The following ANKZF1 variants were observed in gnomAD, a reference collection of about 807,000 sequenced individuals.
ANKZF1 encodes tRNA endonuclease ANKZF1.
Under a neutral mutation model 86.0 loss-of-function variants are expected in ANKZF1, and 84 were observed. The observed-to-expected ratio is 0.98, with a 90% confidence interval of 0.82 to 1.17. ANKZF1 has a LOEUF of 1.17. ANKZF1 is among the 50% of genes most tolerant of loss of function. The pLI, the probability that ANKZF1 is intolerant of heterozygous loss-of-function variation, is 0.00. For synonymous variants in ANKZF1, 331 were observed against 354.2 expected (o/e 0.93, Z 0.74); for missense variants, 893 against 918.4 (o/e 0.97, Z 0.36).
In ANKZF1 at chr2:219,234,825, G is replaced by A. The variant is rs1233825796; in HGVS notation, c.1205-1G>A. The A allele has an allele frequency of 2.5e-6, 4 of 1,603,118 alleles. No homozygotes were observed. The highest frequency in any genetic ancestry group is 1.7e-5 in the Admixed American group (1 of 58,588). ...ATTTCACATGTCAGGTTTTTCCCTA[G>A]GTTCAGGGTCGGAGGGAGAAGATGG... On this transcript the variant is annotated splice_acceptor_variant, in intron 9 of 13. Transcript: ENST00000323348. LOFTEE classifies it high-confidence loss of function.
chr2:219,230,481 T>C (rs1951001466), intron 2 of ANKZF1, 76 bp downstream of exon 2: 5 of 1,497,750 alleles, frequency 3.3e-6, no homozygotes, highest in African/African-American at 1.4e-5. Flanking sequence ...CACATTCTTA[T>C]TGGTATTCCC....
chr2:219,234,436 A>G (rs1951142671), intron 9 of ANKZF1, 148 bp downstream of exon 9: 2 of 1,028,952 alleles, frequency 1.9e-6, no homozygotes, highest in Non-Finnish European at 3.0e-6. Flanking sequence ...ATGTTTAGTG[A>G]CCTTTCCAAA....
intron 7 of ANKZF1, 88 bp from the exon 8 acceptor site, chr2:219,233,627 C>T: frequency 6.9e-7 from 1 of 1,458,826 alleles, no homozygotes; most frequent in Non-Finnish European, 9.3e-7. Flanking sequence ...ACTTTCCACC[C>T]CTTGCACTTC....
In ANKZF1 at chr2:219,234,161, G is replaced by A. The variant is rs757669034; in HGVS notation, c.1077G>A (p.Leu359=). The part of the protein sequence containing the change: ...YEEDPREAVR[L]HSPQTHWKTV... The stretch of plus-strand genomic sequence containing the variant: ...AAGACCCTCGGGAAGCAGTCAGACT[G>A]CACTCACCTCAGACACACTGGAAAA... The change falls in exon 9 of 14, where the codon CTG becomes CTA. Residue 359 remains leucine, a synonymous_variant. Transcript: ENST00000323348. The A allele has an allele frequency of 1.9e-6, 3 of 1,613,846 alleles. No homozygotes were observed. In the Admixed American group the frequency reaches 5.0e-5, roughly 27 times the overall value.
chr2:219,232,205 A>C, intron 3 of ANKZF1, 55 bp from the exon 4 acceptor site: 1 of 1,569,872 alleles, frequency 6.4e-7, no homozygotes, highest in Non-Finnish European at 8.8e-7. Flanking sequence ...TGGCCAGTAC[A>C]AGGCCAGGCT....
At chr2:219,230,725 A>G in intron 2 of ANKZF1, 1 of 224,858 alleles carries the variant, frequency 4.4e-6, no homozygotes, top group Non-Finnish European at 8.7e-6. Flanking sequence ...TGAATATGAA[A>G]CAATTTATTA....
intron 2 of ANKZF1, 166 bp from the exon 3 acceptor site, chr2:219,231,762 G>A: frequency 1.6e-6 from 1 of 606,876 alleles, no homozygotes; most frequent in South Asian, 2.0e-5. Context: ...TTAAGTGATT[G>A]CTGTACTGTT....
intron 9 of ANKZF1, 90 bp downstream of exon 9, chr2:219,234,378 CTTAT>C: frequency 6.6e-7 from 1 of 1,508,212 alleles, no homozygotes; most frequent in Non-Finnish European, 9.2e-7. Flanking sequence ...GACCCATTTC[CTTAT>C]TTAAACACAC....
rs1319151706 is a variant in ANKZF1 at position 219,235,168 on chromosome 2, C to T, written c.1547C>T (p.Pro516Leu). ...DVGVLKLQLA[P>L]SPADPRVLSL... ...GGAGTGCTAAAGCTGCAGCTAGCTC[C>T]CAGCCCTGCAGACCCTAGAGTTCTG... Residue 516 changes from proline to leucine, a missense_variant, in exon 10 of 14, where the codon CCC (proline) becomes CTC (leucine). By Grantham distance (98) the Pro-to-Leu change is moderately conservative. Transcript: ENST00000323348. 6.2e-7 allele frequency: 1 copy of T among 1,614,170 alleles called. No individual in the cohort carries two copies. Among genetic ancestry groups the T allele is most frequent in the Admixed American group, 1.7e-5 (1 of 60,014 alleles).
In ANKZF1 at chr2:219,233,110, A is replaced by T; in HGVS notation, c.590A>T (p.Gln197Leu). 1 of 1,614,162 alleles carries T rather than the reference A, an allele frequency of 6.2e-7. No homozygotes were observed. The change falls in exon 6 of 14, where the codon CAG (glutamine) becomes CTG (leucine). Residue 197 changes from glutamine (Q) to leucine (L), a missense_variant. Gln to Leu is a moderately radical substitution (Grantham distance 113, BLOSUM62 -2). Coordinates refer to ENST00000323348, the MANE Select transcript of ANKZF1 (RefSeq NM_018089.3). ...DPPEEAELLL[Q>L]NLQSRGPRDC... is the part of the protein sequence containing the mutation. ...CCAGAAGAGGCAGAACTGCTGCTAC[A>T]GAACCTGCAAAGTAGAGGTCCCAGA... is the stretch of plus-strand genomic sequence containing the variant.
In ANKZF1 at chr2:219,234,825, G is replaced by C; in HGVS notation, c.1205-1G>C. On this transcript the variant is annotated splice_acceptor_variant, in intron 9 of 13. Transcript: ENST00000323348. LOFTEE classifies it high-confidence loss of function. ...ATTTCACATGTCAGGTTTTTCCCTA[G>C]GTTCAGGGTCGGAGGGAGAAGATGG... 6.2e-7 allele frequency: 1 copy of C among 1,603,118 alleles called. No homozygotes were observed. The highest frequency in any genetic ancestry group is 8.5e-7 in the Non-Finnish European group (1 of 1,173,698).
Position 219,232,334 on chromosome 2 carries a change from C to G in ANKZF1, c.336C>G (p.Ala112=). ...TCAAGGACAAGCCTCTCCTGTCTGC[C>G]CTGGACTTTGAAAAGCAGAGCTCCA... is the stretch of plus-strand genomic sequence containing the variant. The part of the protein sequence containing the change: ...QRLKDKPLLS[A]LDFEKQSSTG... Residue 112 remains alanine, a synonymous_variant, in exon 4 of 14, where the codon GCC becomes GCG. Coordinates refer to ENST00000323348, the MANE Select transcript of ANKZF1 (RefSeq NM_018089.3). The G allele has an allele frequency of 6.2e-7, 1 of 1,614,220 alleles. No homozygotes were observed. Among genetic ancestry groups the G allele is most frequent in the Non-Finnish European group, 8.5e-7 (1 of 1,180,046 alleles).
Position 219,231,967 on chromosome 2 carries a change from A to T in ANKZF1, c.188A>T (p.Gln63Leu), listed in dbSNP as rs1364384192. ...ERESPERKLL[Q>L]GPMDISEKLF... ...GAAAGCCCAGAAAGAAAGCTACTCC[A>T]GGGTCCTATGGATATTTCAGAGAAG... Residue 63 changes from glutamine (Q) to leucine (L), a missense_variant, in exon 3 of 14, where the codon CAG becomes CTG. Coordinates refer to ENST00000323348, the MANE Select transcript of ANKZF1 (RefSeq NM_018089.3). The T allele has an allele frequency of 6.2e-7, 1 of 1,614,090 alleles. No individual in the cohort carries two copies. Among genetic ancestry groups the T allele is most frequent in the Non-Finnish European group, 8.5e-7 (1 of 1,179,994 alleles).
At chr2:219,232,781 TC>T in intron 5 of ANKZF1, 98 bp downstream of exon 5, 10 of 1,327,768 alleles carry the variant, frequency 7.5e-6, no homozygotes, top group Non-Finnish European at 9.3e-6. Flanking sequence ...TTCTCTTCCT[TC>T]CTGTTGGTTG....
At chr2:219,236,263 A>AGC in intron 13 of ANKZF1, 59 bp from the exon 14 acceptor site, 1 of 1,611,662 alleles carries the variant, frequency 6.2e-7, no homozygotes, top group Non-Finnish European at 8.5e-7. Context: ...GGACGGGGAG[A>AGC]GCGTGGATTG....
Position 219,233,846 on chromosome 2 carries a change from G to T in ANKZF1, c.951G>T (p.Gly317=), listed in dbSNP as rs142611156. 4.4e-5 allele frequency: 71 copies of T among 1,613,334 alleles called. No homozygotes were observed. In the African/African-American group the frequency reaches 8.7e-4, roughly 20 times the overall value. ...GCAAGGGAGCACCCCTGCAAAGGGG[G>T]GATCCCCGACTTTGGGATATCCCCC... ...FGGKGAPLQR[G]DPRLWDIPLA... The change falls in exon 8 of 14, where the codon GGG becomes GGT. Residue 317 remains glycine (G), a synonymous_variant. Transcript: ENST00000323348.
chr2:219,233,391 T>A lies in ANKZF1; in HGVS notation c.777T>A (p.Ala259=), dbSNP rs1559254924. The change falls in exon 7 of 14, where the codon GCT becomes GCA. Residue 259 remains alanine, a synonymous_variant. Transcript: ENST00000323348. ...RDARGGPSHS[A]GANLRRYNEA... ...CCCGAGGTGGGCCATCACACTCTGC[T>A]GGAGCCAACCTGAGGCGCTACAATG... 3 of 1,614,204 alleles carry A rather than the reference T, an allele frequency of 1.9e-6. No homozygotes were observed. Among genetic ancestry groups the A allele is most frequent in the Middle Eastern group, 1.6e-4 (1 of 6,062 alleles).
rs61747683 is a variant in ANKZF1 at position 219,233,429 on chromosome 2, A to G, written c.815A>G (p.Tyr272Cys). ...AGGCGCTACAATGAAGCCACACTATATAAGGTGAGTTAAGCCTTTTAGATC... is the reference window on the plus strand; with the variant it reads ...AGGCGCTACAATGAAGCCACACTATGTAAGGTGAGTTAAGCCTTTTAGATC... ...NLRRYNEATL[Y>C]KDVRDLLAGP... The change falls in exon 7 of 14, where the codon TAT (tyrosine) becomes TGT (cysteine). Residue 272 changes from tyrosine to cysteine, a missense_variant. Transcript: ENST00000323348. 3,829 of 1,609,714 alleles carry G rather than the reference A, an allele frequency of 2.4e-3. 88 individuals carry two copies. In the African/African-American group the frequency reaches 0.044, roughly 18 times the overall value.
chr2:219,236,578 CA>C lies in ANKZF1; in HGVS notation c.*136del. On this transcript the variant is annotated 3_prime_UTR_variant, in exon 14 of 14. Transcript: ENST00000323348. ...GGTGAAGGACACTCGGGAACTAGGGCAAAGACAGGGCTAGAGGTATGTGGAG... is the reference window on the plus strand; with the variant it reads ...GGTGAAGGACACTCGGGAACTAGGGCAAGACAGGGCTAGAGGTATGTGGAG... 1 of 1,207,468 alleles carries C rather than the reference CA, an allele frequency of 8.3e-7. No individual in the cohort carries two copies. The highest frequency in any genetic ancestry group is 1.1e-6 in the Non-Finnish European group (1 of 875,066). 74.8% of individuals were successfully genotyped at this position (1,207,468 alleles called of 1,614,324 possible).
Sources: gnomAD v4.1 joint callset for allele counts on GRCh38, gnomAD v4.1.1 for gene constraint, MANE v1.5 for transcripts, NCBI Gene and HGNC (gene_info 2026-07-23, HGNC 2026-07-21) for gene names.